Variants in RGPD2 observed in about 807,000 individuals in gnomAD.
RGPD2 encodes the protein RANBP2 like and GRIP domain containing 2.
Under a neutral mutation model 36.0 loss-of-function variants are expected in RGPD2, and 2 were observed. The ratio of observed to expected loss-of-function variants is 0.06; its 90% CI spans 0.02 to 0.17. RGPD2 has a LOEUF of 0.17. RGPD2 is among the 10% of genes least tolerant of loss of function. The pLI, the probability that RGPD2 is intolerant of heterozygous loss-of-function variation, is 1.00. For missense variants in RGPD2, 40 were observed against 464.3 expected (o/e 0.09, Z 8.40); for synonymous variants, 19 against 163.8 (o/e 0.12, Z 6.75).
At chr2:87,853,315 C>T in the RGPD2 span, among the ~76,000 whole-genome samples, 1 of 152,214 alleles carries the variant, frequency 6.6e-6, no homozygotes, top group Non-Finnish European at 1.5e-5. Flanking sequence ...CTGGAACTCT[C>T]ACGCTCAACT....
the RGPD2 span, among the ~76,000 whole-genome samples, chr2:87,842,216 T>C: frequency 6.6e-6 from 1 of 151,636 alleles, no homozygotes; most frequent in African/African-American, 2.4e-5. Context: ...CCAGGGCAAT[T>C]AGGCAGGAGA....
At chr2:87,839,683 T>C in the RGPD2 span, among the ~76,000 whole-genome samples, 1 of 151,968 alleles carries the variant, frequency 6.6e-6, no homozygotes, top group African/African-American at 2.4e-5. Context: ...AGAAACCAAA[T>C]ACCACATATT....
intron 22 of RGPD2, among the ~76,000 whole-genome samples, chr2:87,760,917 T>C (rs966163468): frequency 6.6e-6 from 1 of 150,436 alleles, no homozygotes; most frequent in Admixed American, 6.6e-5. Flanking sequence ...ATGCCTGGCT[T>C]TCTCTTTTTC....
chr2:87,985,630 T>C, the RGPD2 span: 6 of 1,118,032 alleles, frequency 5.4e-6, no homozygotes, highest in Non-Finnish European at 8.0e-6. Flanking sequence ...ATTTTGAATA[T>C]GGTACGCCTA....
the RGPD2 span, among the ~76,000 whole-genome samples, chr2:87,988,524 AAT>A: frequency 2.3e-5 from 1 of 42,862 alleles, no homozygotes; most frequent in African/African-American, 4.6e-5. Flanking sequence ...TATACATATA[AAT>A]ATATATATAT....
At chr2:87,915,582 G>GTATATACACATATATATGTGTGTGTATA in the RGPD2 span, among the ~76,000 whole-genome samples, 2 of 140,558 alleles carry the variant, frequency 1.4e-5, no homozygotes, top group Admixed American at 7.2e-5. Flanking sequence ...ATATGTGTGT[G>GTATATACACATATATATGTGTGTGTATA]TATATACACA....
the RGPD2 span, chr2:87,973,077 C>CG: frequency 4.0e-6 from 6 of 1,503,322 alleles, no homozygotes; most frequent in Admixed American, 1.0e-4. Context: ...CCCCGCCCCC[C>CG]GCCTCCGCGC....
the RGPD2 span, among the ~76,000 whole-genome samples, chr2:87,879,495 G>A: frequency 2.6e-5 from 3 of 117,454 alleles, no homozygotes; most frequent in Non-Finnish European, 5.1e-5. Context: ...TCTGGTAAAT[G>A]TCCTCCTACT....
At chr2:87,989,468 C>G in the RGPD2 span, among the ~76,000 whole-genome samples, 4 of 152,330 alleles carry the variant, frequency 2.6e-5, no homozygotes, top group East Asian at 7.7e-4. Context: ...TACAATTCAA[C>G]TGACTCAACA....
chr2:87,922,107 C>T, the RGPD2 span, among the ~76,000 whole-genome samples: 1 of 151,506 alleles, frequency 6.6e-6, no homozygotes, highest in Admixed American at 6.6e-5. Flanking sequence ...GCCTGGTCAA[C>T]ATGATGAAGC....
the RGPD2 span, among the ~76,000 whole-genome samples, chr2:87,941,370 A>G: frequency 2.0e-5 from 3 of 151,774 alleles, no homozygotes; most frequent in East Asian, 5.8e-4. Context: ...AGGTTGTAAT[A>G]AAAAATATTT....
chr2:87,963,870 C>T, the RGPD2 span, among the ~76,000 whole-genome samples: 1 of 116,874 alleles, frequency 8.6e-6, no homozygotes, highest in Non-Finnish European at 1.6e-5. Context: ...GAGTTTCACT[C>T]TGTGGTCCAG....
At chr2:87,913,709 T>G in the RGPD2 span, among the ~76,000 whole-genome samples, 1 of 151,830 alleles carries the variant, frequency 6.6e-6, no homozygotes, top group African/African-American at 2.4e-5. Flanking sequence ...TAGATGGTTT[T>G]CAGTCTATTT....
the RGPD2 span, among the ~76,000 whole-genome samples, chr2:87,877,922 G>C: frequency 1.0e-4 from 15 of 146,640 alleles, no homozygotes; most frequent in Non-Finnish European, 2.2e-4. Context: ...CTTCCCCTTT[G>C]TAGGTGACCT....
chr2:87,948,395 T>G, the RGPD2 span, among the ~76,000 whole-genome samples: 3 of 151,844 alleles, frequency 2.0e-5, no homozygotes, highest in Non-Finnish European at 4.4e-5. Flanking sequence ...TTTTTTTTTT[T>G]GTGGAGATGG....
chr2:87,897,833 A>G, the RGPD2 span, among the ~76,000 whole-genome samples: 3 of 151,856 alleles, frequency 2.0e-5, no homozygotes, highest in Non-Finnish European at 4.4e-5. Flanking sequence ...TTTGCCCAAC[A>G]CTGAGAATTA....
the RGPD2 span, among the ~76,000 whole-genome samples, chr2:87,857,396 G>A: frequency 6.6e-6 from 1 of 151,624 alleles, no homozygotes; most frequent in South Asian, 2.1e-4. Flanking sequence ...AGGCTGGGGT[G>A]CAGTGGTGCA....
At chr2:87,887,268 A>G in the RGPD2 span, among the ~76,000 whole-genome samples, 2 of 151,742 alleles carry the variant, frequency 1.3e-5, no homozygotes, top group African/African-American at 2.4e-5. Flanking sequence ...GTATCAGTCT[A>G]TATCTTATTG....
At chr2:87,983,909 GT>G in the RGPD2 span, among the ~76,000 whole-genome samples, 1 of 152,252 alleles carries the variant, frequency 6.6e-6, no homozygotes, top group Non-Finnish European at 1.5e-5. Flanking sequence ...GACCAGGAAG[GT>G]GAGCAAGGGC....
Sources: allele counts gnomAD v4.1 joint callset (sites outside exome capture counted in the v4.1 genomes callset), GRCh38; gene constraint gnomAD v4.1.1; transcripts MANE v1.5; gene names NCBI Gene and HGNC (gene_info 2026-07-23, HGNC 2026-07-21).